The following IFNAR2 variants were observed in gnomAD, a reference collection of about 807,000 sequenced individuals.
The protein encoded by IFNAR2 is interferon alpha/beta receptor 2.
Under a neutral mutation model 49.4 loss-of-function variants are expected in IFNAR2, and 30 were observed. The ratio of observed to expected loss-of-function variants is 0.61; its 90% CI spans 0.45 to 0.82. IFNAR2 has a LOEUF of 0.82. IFNAR2 is among the 40% of genes least tolerant of loss of function. The pLI, the probability that IFNAR2 is intolerant of heterozygous loss-of-function variation, is 0.00. For missense variants in IFNAR2, 600 were observed against 622.7 expected, an observed-to-expected ratio of 0.96 and a Z score of 0.39; for synonymous variants, 224 against 234.5, an observed-to-expected ratio of 0.96 and a Z score of 0.41.
At chr21:33,246,597 C>A in intron 4 of IFNAR2, 121 bp from the exon 5 acceptor site, 2 of 688,142 alleles carry the variant, frequency 2.9e-6, no homozygotes, top group Non-Finnish European at 4.8e-6. Context: ...TGGGGAAGAT[C>A]ACTTAATACA....
Position 33,244,895 on chromosome 21 carries a change from G to A in IFNAR2, c.98-56G>A, listed in dbSNP as rs1446958039. On this transcript the variant is annotated intron_variant, in intron 3 of 8. Coordinates refer to ENST00000342136, the MANE Select transcript of IFNAR2 (RefSeq NM_001289125.3). ...GATCCCAAGAAATGACTGAACAGTGGCCAGAATACAACTGTGGGTTCCAAA... is the reference window on the plus strand; with the variant it reads ...GATCCCAAGAAATGACTGAACAGTGACCAGAATACAACTGTGGGTTCCAAA... 13 of 1,584,262 alleles carry A rather than the reference G, an allele frequency of 8.2e-6. No homozygotes were observed. In the East Asian group the frequency reaches 2.0e-4, roughly 25 times the overall value.
chr21:33,239,288 A>G (rs939011797), intron 1 of IFNAR2, among the ~76,000 whole-genome samples: 1 of 152,182 alleles, frequency 6.6e-6, no homozygotes, highest in African/African-American at 2.4e-5. Flanking sequence ...AGGAAGGGAC[A>G]CCGTGAGTGA....
Position 33,246,877 on chromosome 21 carries a change from G to A in IFNAR2, c.381G>A (p.Trp127Ter). Residue 127 changes from tryptophan to a stop codon, truncating the protein, a stop_gained, in exon 5 of 9, where the codon TGG becomes TGA. Transcript: ENST00000342136. LOFTEE classifies it high-confidence loss of function. ...TTLFSCSHNF[W>*]LAIDMSFEPP... ...TGTTCAGTTGCTCACACAATTTCTG[G>A]CTGGCCATAGACAGTGAGTTTTATC... 2 of 1,613,844 alleles carry A rather than the reference G, an allele frequency of 1.2e-6. No individual in the cohort carries two copies. The highest frequency in any genetic ancestry group is 1.7e-6 in the Non-Finnish European group (2 of 1,179,798).
At chr21:33,261,643 G>A (rs1424961264) in intron 8 of IFNAR2, among the ~76,000 whole-genome samples, 1 of 152,210 alleles carries the variant, frequency 6.6e-6, no homozygotes, top group African/African-American at 2.4e-5. Flanking sequence ...GGGAGGCTGA[G>A]GCGGGTGGAT....
At chr21:33,251,415 C>T (rs1987827225) in intron 6 of IFNAR2, 1 of 245,752 alleles carries the variant, frequency 4.1e-6, no homozygotes, top group Non-Finnish European at 6.5e-6. Context: ...GGGCAAAGAG[C>T]TGGTTGGAGT....
intron 1 of IFNAR2, among the ~76,000 whole-genome samples, chr21:33,234,559 A>C (rs535979765): frequency 6.7e-6 from 1 of 149,460 alleles, no homozygotes; most frequent in South Asian, 2.1e-4. Context: ...CCAGGAGACT[A>C]TGAGGCAGCG....
At chr21:33,261,632 T>C (rs922545200) in intron 8 of IFNAR2, among the ~76,000 whole-genome samples, 16 of 152,098 alleles carry the variant, frequency 1.1e-4, no homozygotes, top group African/African-American at 3.6e-4. Flanking sequence ...CTCAGCACTT[T>C]GGGAGGCTGA....
At position 33,240,479 on chromosome 21, in the gene IFNAR2, G is replaced by A. The variant is rs540980933; in HGVS notation, c.-83-1361G>A. Among the ~76,000 whole-genome samples, 32 of 152,240 alleles carry A rather than the reference G, an allele frequency of 2.1e-4. No homozygotes were observed. The East Asian group carries it at 6.0e-3, about 28-fold the overall frequency. ...TTCTCAGAACACAGCACTGTTCACA[G>A]TTGCAAAGATATGGAATCAACCTAA... On this transcript the variant is annotated intron_variant, in intron 1 of 8. Coordinates refer to ENST00000342136, the MANE Select transcript of IFNAR2 (RefSeq NM_001289125.3).
intron 7 of IFNAR2, among the ~76,000 whole-genome samples, chr21:33,256,182 C>T (rs914676699): frequency 6.6e-6 from 1 of 152,162 alleles, no homozygotes; most frequent in Non-Finnish European, 1.5e-5. Flanking sequence ...CTCACTTTCT[C>T]CCCTGACTCT....
intron 1 of IFNAR2, among the ~76,000 whole-genome samples, chr21:33,232,080 C>T (rs773961807): frequency 2.0e-4 from 31 of 152,182 alleles, no homozygotes; most frequent in South Asian, 1.2e-3. Context: ...TTATAAGATG[C>T]ACTTTCATTT....
chr21:33,231,730 TGTTTGGTTTGGTTTG>T (rs578140787), intron 1 of IFNAR2: 3 of 979,086 alleles, frequency 3.1e-6, no homozygotes, highest in Non-Finnish European at 3.6e-6. Context: ...TGTTTTGTTT[TGTTTGGTTTGGTTTG>T]GTTTGGTTTG....
Position 33,248,792 on chromosome 21 carries a change from G to A in IFNAR2, c.478G>A (p.Glu160Lys). ...VMVKFPSIVE[E>K]ELQFDLSLVI... ...GGTGAAATTTCCATCTATTGTTGAG[G>A]AAGAATTACAGTTTGATTTATCTCT... Residue 160 changes from glutamate (E) to lysine (K), a missense_variant, in exon 6 of 9, where the codon GAA becomes AAA. Transcript: ENST00000342136. 1 of 1,611,166 alleles carries A rather than the reference G, an allele frequency of 6.2e-7. No individual in the cohort carries two copies. Among genetic ancestry groups the A allele is most frequent in the Non-Finnish European group, 8.5e-7 (1 of 1,178,544 alleles).
intron 1 of IFNAR2, among the ~76,000 whole-genome samples, chr21:33,237,078 G>GGTGGGTGTGTGTGTAT (rs57276350): frequency 4.7e-5 from 7 of 147,590 alleles, no homozygotes; most frequent in Non-Finnish European, 1.0e-4. Context: ...GGGAGAATGG[G>GGTGGGTGTGTGTGTAT]GTGTGTGTGT....
chr21:33,236,525 TC>T (rs17860252), intron 1 of IFNAR2, among the ~76,000 whole-genome samples: 3,694 of 152,264 alleles, frequency 0.024, 60 homozygotes, highest in South Asian at 0.055. Context: ...ACCCTCTGAC[TC>T]CAGTCCATGG....
intron 1 of IFNAR2, among the ~76,000 whole-genome samples, chr21:33,234,057 GTT>G (rs149346826): frequency 0.1 from 15,543 of 152,080 alleles, 855 homozygotes; most frequent in African/African-American, 0.13. Flanking sequence ...TCTTTCATAA[GTT>G]TTATTTAAAA....
Position 33,246,881 on chromosome 21 carries a change from G to T in IFNAR2, c.385G>T (p.Ala129Ser). 6.2e-7 allele frequency: 1 copy of T among 1,613,062 alleles called. No homozygotes were observed. Among genetic ancestry groups the T allele is most frequent in the Non-Finnish European group, 8.5e-7 (1 of 1,179,422 alleles). ...CAGTTGCTCACACAATTTCTGGCTGGCCATAGACAGTGAGTTTTATCTCTG... is the reference window on the plus strand; with the variant it reads ...CAGTTGCTCACACAATTTCTGGCTGTCCATAGACAGTGAGTTTTATCTCTG... ...LFSCSHNFWLAIDMSFEPPEF... is the reference protein window; with the variant it reads ...LFSCSHNFWLSIDMSFEPPEF... The change falls in exon 5 of 9, where the codon GCC becomes TCC. Residue 129 changes from alanine (A) to serine (S), a missense_variant. Coordinates refer to ENST00000342136, the MANE Select transcript of IFNAR2 (RefSeq NM_001289125.3).
chr21:33,245,481 T>C (rs1987329968), intron 4 of IFNAR2, among the ~76,000 whole-genome samples: 2 of 152,250 alleles, frequency 1.3e-5, no homozygotes, highest in Non-Finnish European at 2.9e-5. Context: ...TGTTCACTTT[T>C]CTTTACTCTG....
rs1220294693 is a variant in IFNAR2 at position 33,260,633 on chromosome 21, CTG to C, written c.750_751del (p.Leu252AspfsTer23). ...TCTGCCAAAATAGGAGGAATAATTA[CTG>C]TGTTTTTGATAGCATTGGTCTTGAC... On this transcript the variant is annotated frameshift_variant, in exon 8 of 9. Transcript: ENST00000342136. LOFTEE classifies it high-confidence loss of function. 1 of 1,597,320 alleles carries C rather than the reference CTG, an allele frequency of 6.3e-7. No homozygotes were observed. The highest frequency in any genetic ancestry group is 8.5e-7 in the Non-Finnish European group (1 of 1,174,764).
At chr21:33,252,398 A>T in intron 6 of IFNAR2, 2 of 1,211,360 alleles carry the variant, frequency 1.7e-6, no homozygotes, top group Non-Finnish European at 2.1e-6. Flanking sequence ...CTCTTTGAAG[A>T]CTTTTATCTC....
Sources: gnomAD v4.1 joint callset for allele counts (sites outside exome capture counted in the v4.1 genomes callset) on GRCh38, gnomAD v4.1.1 for gene constraint, MANE v1.5 for transcripts, NCBI Gene and HGNC (gene_info 2026-07-23, HGNC 2026-07-21) for gene names.